Variants in MTERF2 observed in about 807,000 individuals in gnomAD.
MTERF2 encodes mitochondrial transcription termination factor 2.
MTERF2 carries 23 observed loss-of-function variants against 29.2 expected under a neutral mutation model. The observed-to-expected ratio is 0.79, with a 90% CI of 0.57 to 1.12. MTERF2 has a LOEUF of 1.12. MTERF2 is among the 50% of genes most tolerant of loss of function. The pLI, the probability that MTERF2 is intolerant of heterozygous loss-of-function variation, is 0.00. For synonymous variants in MTERF2, 157 were observed against 159.5 expected (o/e 0.98, Z 0.12); for missense variants, 440 against 429.4 (o/e 1.02, Z -0.22).
chr12:106,980,111 T>A (rs1185504150), intron 2 of MTERF2, among the ~76,000 whole-genome samples: 1 of 152,104 alleles, frequency 6.6e-6, no homozygotes, highest in African/African-American at 2.4e-5. Flanking sequence ...TTGGCCAGGA[T>A]GGTCTCGATC....
intron 2 of MTERF2, among the ~76,000 whole-genome samples, chr12:106,984,620 T>C (rs369207951): frequency 1.1e-4 from 17 of 152,172 alleles, no homozygotes. Flanking sequence ...AGGAACCCAG[T>C]GGGAGATAAT....
At position 106,977,535 on chromosome 12, in the gene MTERF2, AG is replaced by A. The variant is rs780572012; in HGVS notation, c.*21del. 9 of 1,580,210 alleles carry A rather than the reference AG, an allele frequency of 5.7e-6. No individual in the cohort carries two copies. Among genetic ancestry groups the A allele is most frequent in the Middle Eastern group, 2.1e-4 (1 of 4,832 alleles). On this transcript the variant is annotated 3_prime_UTR_variant, in exon 3 of 3. Transcript: ENST00000240050. ...TTAGTTTCACCCTGCACTGCTAGAAAGAAGCAACAACAGTCAGTATGTCATT... is the reference window on the plus strand; with the variant it reads ...TTAGTTTCACCCTGCACTGCTAGAAAAAGCAACAACAGTCAGTATGTCATT...
chr12:106,981,813 G>A (rs762283312), intron 2 of MTERF2, among the ~76,000 whole-genome samples: 3 of 152,068 alleles, frequency 2.0e-5, no homozygotes, highest in Non-Finnish European at 4.4e-5. Flanking sequence ...GAGCCACCAC[G>A]CCTGGCCTAA....
rs1056966109 is a variant in MTERF2 at position 106,987,072 on chromosome 12, C to A, written c.-272G>T. On this transcript the variant is annotated 5_prime_UTR_variant, in exon 1 of 3. Coordinates refer to ENST00000240050, the MANE Select transcript of MTERF2 (RefSeq NM_001033050.3). ...TCCCCACAGTCCGCAGTCCCCGAGG[C>A]CTGGAGCCGGGATTTCGGTCCTCGG... 1 of 152,602 alleles carries A rather than the reference C, an allele frequency of 6.6e-6. No individual in the cohort carries two copies. The highest frequency in any genetic ancestry group is 2.4e-5 in the African/African-American group (1 of 41,466). The allele number at this position is 152,602 out of a possible 1,614,324, so 9.5% of individuals were successfully genotyped here.
intron 2 of MTERF2, among the ~76,000 whole-genome samples, chr12:106,979,613 G>A (rs1952031062): frequency 6.6e-6 from 1 of 152,150 alleles, no homozygotes. Context: ...GGTGGCACAT[G>A]CCTGTAATCC....
intron 2 of MTERF2, among the ~76,000 whole-genome samples, 188 bp downstream of exon 2, chr12:106,984,927 T>C (rs1207697045): frequency 6.6e-6 from 1 of 152,192 alleles, no homozygotes; most frequent in Non-Finnish European, 1.5e-5. Context: ...CAGCCTTCCT[T>C]ATCTCTTTTG....
intron 2 of MTERF2, among the ~76,000 whole-genome samples, chr12:106,982,107 G>A (rs1952058744): frequency 1.3e-5 from 2 of 152,112 alleles, no homozygotes; most frequent in African/African-American, 2.4e-5. Flanking sequence ...TGCCATGGTC[G>A]ATGTCCTTCT....
At chr12:106,985,247 T>C (rs1419380657) in intron 1 of MTERF2, 22 bp from the exon 2 acceptor site, 1 of 152,256 alleles carries the variant, frequency 6.6e-6, no homozygotes, top group African/African-American at 2.4e-5. Context: ...CATTTTAGGA[T>C]AAAGACAAAG....
rs923312531 is a variant in MTERF2, at chr12:106,978,238, C to G, written c.477G>C (p.Leu159Phe). The G allele has an allele frequency of 5.6e-6, 9 of 1,613,606 alleles. No individual in the cohort carries two copies. The highest frequency in any genetic ancestry group is 1.7e-5 in the Admixed American group (1 of 59,952). Residue 159 changes from leucine to phenylalanine, a missense_variant, in exon 3 of 3, where the codon TTG (leucine) becomes TTC (phenylalanine). Leu to Phe is a conservative substitution (Grantham distance 22, BLOSUM62 0). Transcript: ENST00000240050. ...QKLNVQFFQE[L>F]GLKNVVISRL... ...TGCTAATGACCACATTTTTTAGTCC[C>G]AACTCTTGAAAGAACTGAACATTCA...
chr12:106,982,468 A>G (rs1264564135), intron 2 of MTERF2, among the ~76,000 whole-genome samples: 1 of 152,216 alleles, frequency 6.6e-6, no homozygotes, highest in East Asian at 1.9e-4. Flanking sequence ...ACAACTGACT[A>G]TGGAAGTGAA....
rs756092477 is a variant in MTERF2, at chr12:106,977,707, T to A, written c.1008A>T (p.Lys336Asn). The A allele has an allele frequency of 6.2e-6, 10 of 1,613,864 alleles. No individual in the cohort carries two copies. In the East Asian group the frequency reaches 8.9e-5, roughly 14 times the overall value. ...TPQIVQYRIR[K>N]LNSSGYRIKD... ...TTATTCTGTAGCCTGAGGAATTCAG[T>A]TTCCTTATCCTGTACTGTACTATCT... Residue 336 changes from lysine to asparagine, a missense_variant, in exon 3 of 3, where the codon AAA becomes AAT. By Grantham distance (94) the Lys-to-Asn change is moderately conservative. Coordinates refer to ENST00000240050, the MANE Select transcript of MTERF2 (RefSeq NM_001033050.3).
At chr12:106,979,700 T>C (rs1018746548) in intron 2 of MTERF2, among the ~76,000 whole-genome samples, 2 of 152,138 alleles carry the variant, frequency 1.3e-5, no homozygotes, top group Non-Finnish European at 2.9e-5. Flanking sequence ...TGTGGAATGG[T>C]GACTGTACTT....
chr12:106,985,595 G>A (rs1952102993), intron 1 of MTERF2: 1 of 152,186 alleles, frequency 6.6e-6, no homozygotes, highest in Non-Finnish European at 1.5e-5. Context: ...TTCACGTGTT[G>A]TTTCTGTCTC....
chr12:106,983,163 G>C (rs905778743), intron 2 of MTERF2, among the ~76,000 whole-genome samples: 2 of 152,016 alleles, frequency 1.3e-5, no homozygotes, highest in Non-Finnish European at 2.9e-5. Context: ...TTTAATTGTA[G>C]TAAGATATAA....
rs1951993873 is a variant in MTERF2, at chr12:106,977,320, TGA to T, written c.*235_*236del. Reference sequence around the variant, plus strand: ...CACTGATATGCCATTTAATAGTATATGAGTTTTTGAAATAATGGTTCAAGGTA... The same window carrying T: ...CACTGATATGCCATTTAATAGTATATGTTTTTGAAATAATGGTTCAAGGTA... On this transcript the variant is annotated 3_prime_UTR_variant, in exon 3 of 3. Coordinates refer to ENST00000240050, the MANE Select transcript of MTERF2 (RefSeq NM_001033050.3). 1.0e-5 allele frequency: 4 copies of T among 384,342 alleles called. No homozygotes were observed. The highest frequency in any genetic ancestry group is 9.2e-6 in the Non-Finnish European group (2 of 218,286). The allele number at this position is 384,342 out of a possible 1,614,324, so 23.8% of individuals were successfully genotyped here.
chr12:106,978,951 C>T (rs745400636), intron 2 of MTERF2, among the ~76,000 whole-genome samples, 180 bp from the exon 3 acceptor site: 3 of 151,714 alleles, frequency 2.0e-5, no homozygotes, highest in Non-Finnish European at 4.4e-5. Context: ...CCCAGAAGCC[C>T]GAGGTTGCAG....
At position 106,978,704 on chromosome 12, in the gene MTERF2, T is replaced by C. The variant is rs1202909900; in HGVS notation, c.11A>G (p.Lys4Arg). 2 of 1,612,726 alleles carry C rather than the reference T, an allele frequency of 1.2e-6. No individual in the cohort carries two copies. Among genetic ancestry groups the C allele is most frequent in the East Asian group, 4.5e-5 (2 of 44,886 alleles). Reference sequence around the variant, plus strand: ...GCAGGACTGGGATCTCAGCAGCAGCTTCCACAACATGGCTGCAATCTACTA... The same window carrying C: ...GCAGGACTGGGATCTCAGCAGCAGCCTCCACAACATGGCTGCAATCTACTA... MLW[K>R]LLLRSQSCRL... is the part of the protein sequence containing the mutation. Residue 4 changes from lysine to arginine, a missense_variant, in exon 3 of 3, where the codon AAG becomes AGG. Transcript: ENST00000240050.
chr12:106,977,745 C>G lies in MTERF2; in HGVS notation c.970G>C (p.Glu324Gln), dbSNP rs1952000663. ...TACTGTACTATCTGTGGTGTTAATTCAAGAACCATTGGCGTCTCTCTTATC... is the reference window on the plus strand; with the variant it reads ...TACTGTACTATCTGTGGTGTTAATTGAAGAACCATTGGCGTCTCTCTTATC... ...AQIRETPMVL[E>Q]LTPQIVQYRI... Residue 324 changes from glutamate (E) to glutamine (Q), a missense_variant, in exon 3 of 3, where the codon GAA becomes CAA. Physicochemically the swap from Glu to Gln is conservative, Grantham distance 29. Transcript: ENST00000240050. 6.2e-7 allele frequency: 1 copy of G among 1,613,820 alleles called. No homozygotes were observed. Among genetic ancestry groups the G allele is most frequent in the Non-Finnish European group, 8.5e-7 (1 of 1,179,982 alleles).
Position 106,977,569 on chromosome 12 carries a change from A to G in MTERF2, c.1146T>C (p.Asn382=). 6.2e-7 allele frequency: 1 copy of G among 1,608,982 alleles called. No homozygotes were observed. Among genetic ancestry groups the G allele is most frequent in the South Asian group, 1.1e-5 (1 of 90,128 alleles). Residue 382 remains asparagine (N), a synonymous_variant, in exon 3 of 3, where the codon AAT becomes AAC. Transcript: ENST00000240050. ...RPLFNPVAPL[N]VEE ...AACAGTCAGTATGTCATTCTTCAAC[A>G]TTTAATGGTGCCACAGGGTTAAATA...
Sources: allele counts gnomAD v4.1 joint callset (sites outside exome capture counted in the v4.1 genomes callset), GRCh38; gene constraint gnomAD v4.1.1; transcripts MANE v1.5; gene names NCBI Gene and HGNC (gene_info 2026-07-23, HGNC 2026-07-21).